ALLC: variants seen among roughly 807,000 people sequenced by gnomAD.
ALLC encodes the protein probable inactive allantoicase.
Under a neutral mutation model 45.0 loss-of-function variants are expected in ALLC, and 40 were observed. The observed-to-expected ratio is 0.89, with a 90% confidence interval of 0.69 to 1.16. ALLC has a LOEUF of 1.16. Among genes scored for constraint, ALLC ranks in the 50% most tolerant of loss-of-function variants. The pLI is 0.00. For synonymous variants in ALLC, 176 were observed against 178.1 expected, an observed-to-expected ratio of 0.99 and a Z score of 0.09; for missense variants, 488 against 493.1, an observed-to-expected ratio of 0.99 and a Z score of 0.10.
At chr2:3,701,992 A>G (rs1398643323) in intron 11 of ALLC, among the ~76,000 whole-genome samples, 2 of 152,214 alleles carry the variant, frequency 1.3e-5, no homozygotes, top group African/African-American at 2.4e-5. Context: ...TCTTTGATTT[A>G]GAAAGAGGGT....
intron 10 of ALLC, among the ~76,000 whole-genome samples, chr2:3,700,289 C>T (rs1375422790): frequency 6.6e-6 from 1 of 152,028 alleles, no homozygotes; most frequent in Non-Finnish European, 1.5e-5. Flanking sequence ...TTTAAGACTG[C>T]ATTTTAGATC....
chr2:3,699,043 T>C (rs1328061343), intron 10 of ALLC, among the ~76,000 whole-genome samples: 1 of 152,206 alleles, frequency 6.6e-6, no homozygotes, highest in Non-Finnish European at 1.5e-5. Context: ...TAACTATTAT[T>C]TTAGGTTCAA....
At chr2:3,694,660 C>T (rs773265426) in intron 7 of ALLC, 6 of 152,172 alleles carry the variant, frequency 3.9e-5, no homozygotes. Flanking sequence ...CTGAATGACT[C>T]CCTCTAGGAT....
chr2:3,661,530 A>G (rs1463899682), intron 1 of ALLC, among the ~76,000 whole-genome samples: 1 of 152,172 alleles, frequency 6.6e-6, no homozygotes, highest in Admixed American at 6.5e-5. Flanking sequence ...TCCCAGAGAA[A>G]CAGACCAGTG....
chr2:3,681,675 G>A lies in ALLC; in HGVS notation c.340G>A (p.Ala114Thr). ...CCCAGAAAGAGGAACCAGGACAGGA[G>A]CTGCAGCCACTCCTGAGGAGTTTGA... Reference protein sequence around the residue: ...EIPERGTRTGAAATPEEFEAI... With the variant: ...EIPERGTRTGTAATPEEFEAI... The change falls in exon 6 of 12, where the codon GCT becomes ACT. Residue 114 changes from alanine to threonine, a missense_variant. Physicochemically the swap from Ala to Thr is moderately conservative, Grantham distance 58. Transcript: ENST00000252505. 1 of 1,611,186 alleles carries A rather than the reference G, an allele frequency of 6.2e-7. No homozygotes were observed. The highest frequency in any genetic ancestry group is 1.3e-5 in the African/African-American group (1 of 74,952).
upstream of ALLC, among the ~76,000 whole-genome samples, chr2:3,657,242 G>C (rs1014195630): frequency 2.0e-5 from 3 of 152,166 alleles, no homozygotes; most frequent in African/African-American, 4.8e-5. Flanking sequence ...TGGGGTTGGG[G>C]GTGGGGTTCT....
At position 3,702,579 on chromosome 2, in the gene ALLC, G is replaced by C. The variant is rs368510551; in HGVS notation, c.*16G>C. On this transcript the variant is annotated 3_prime_UTR_variant, in exon 12 of 12. Coordinates refer to ENST00000252505, the MANE Select transcript of ALLC (RefSeq NM_018436.4). ...AAACCCTTAACACACACAAAGCCCCGGTGTCGGACACACAGCAGTAATTTC... is the reference window on the plus strand; with the variant it reads ...AAACCCTTAACACACACAAAGCCCCCGTGTCGGACACACAGCAGTAATTTC... 6 of 1,518,036 alleles carry C rather than the reference G, an allele frequency of 4.0e-6. No individual in the cohort carries two copies. Among genetic ancestry groups the C allele is most frequent in the Non-Finnish European group, 5.3e-6 (6 of 1,133,668 alleles). 94.0% of individuals were successfully genotyped at this position (1,518,036 alleles called of 1,614,324 possible). A position where few individuals can be genotyped will look rare whatever the true frequency, so the allele number is the denominator to read the frequency against.
intron 10 of ALLC, among the ~76,000 whole-genome samples, chr2:3,700,511 A>G: frequency 6.6e-6 from 1 of 152,222 alleles, no homozygotes; most frequent in East Asian, 1.9e-4. Flanking sequence ...CCACTTAAGC[A>G]GACACCCAAA....
chr2:3,674,005 C>T, intron 2 of ALLC, 70 bp from the exon 3 acceptor site: 1 of 1,159,180 alleles, frequency 8.6e-7, no homozygotes, highest in Non-Finnish European at 1.2e-6. Flanking sequence ...TAATGTTTCA[C>T]TAGGGAATGA....
the ALLC span, among the ~76,000 whole-genome samples, chr2:3,649,832 G>A: frequency 6.6e-6 from 1 of 152,242 alleles, no homozygotes; most frequent in Admixed American, 6.5e-5. Context: ...GACAACCCAC[G>A]CAGACATGGG....
Position 3,695,738 on chromosome 2 carries a change from G to A in ALLC, c.533G>A (p.Arg178Lys), listed in dbSNP as rs1422472520. 6.2e-7 allele frequency: 1 copy of A among 1,613,936 alleles called. No individual in the cohort carries two copies. Among genetic ancestry groups the A allele is most frequent in the Non-Finnish European group, 8.5e-7 (1 of 1,179,914 alleles). The change falls in exon 8 of 12, where the codon AGA (arginine) becomes AAA (lysine). Residue 178 changes from arginine to lysine, a missense_variant. By Grantham distance (26) the Arg-to-Lys change is conservative. Coordinates refer to ENST00000252505, the MANE Select transcript of ALLC (RefSeq NM_018436.4). ...TCAGATGGTGGAATTGCACGACTTA[G>A]AGTATTCGGTACTGGACAAAAAGAC... ...IFPDGGIARL[R>K]VFGTGQKDWT... is the part of the protein sequence containing the mutation.
At chr2:3,693,849 G>C (rs1292290812) in intron 7 of ALLC, among the ~76,000 whole-genome samples, 1 of 152,160 alleles carries the variant, frequency 6.6e-6, no homozygotes, top group Non-Finnish European at 1.5e-5. Flanking sequence ...TTAGCCAGGT[G>C]TGGTGGCGGG....
chr2:3,697,609 CTCTG>C (rs757923260), intron 10 of ALLC, among the ~76,000 whole-genome samples, 153 bp downstream of exon 10: 16,470 of 146,642 alleles, frequency 0.11, 1,080 homozygotes, highest in Middle Eastern at 0.17. Context: ...ACCCTTAGAA[CTCTG>C]TCTGTCTGTC....
In ALLC at chr2:3,683,048, C is replaced by T; in HGVS notation, c.485C>T (p.Thr162Ile). Residue 162 changes from threonine to isoleucine, a missense_variant, in exon 7 of 12, where the codon ACT becomes ATT. Thr to Ile is a moderately conservative substitution (Grantham distance 89, BLOSUM62 -1). Transcript: ENST00000252505. The stretch of plus-strand genomic sequence containing the variant: ...CTTGTCAATTCCCAGCAGAGATGGA[C>T]TCATATCAGACTCAACATTTTCCCA... ...YFLVNSQQRW[T>I]HIRLNIFPDG... 1 of 1,613,940 alleles carries T rather than the reference C, an allele frequency of 6.2e-7. No homozygotes were observed. Among genetic ancestry groups the T allele is most frequent in the Non-Finnish European group, 8.5e-7 (1 of 1,179,850 alleles).
At chr2:3,650,150 A>G in the ALLC span, among the ~76,000 whole-genome samples, 14 of 152,200 alleles carry the variant, frequency 9.2e-5, no homozygotes, top group Non-Finnish European at 2.9e-5. Flanking sequence ...AGTGCCCTCA[A>G]TTGGAAGGGA....
chr2:3,665,778 G>C (rs948343213), intron 1 of ALLC, among the ~76,000 whole-genome samples: 3 of 152,158 alleles, frequency 2.0e-5, no homozygotes, highest in Non-Finnish European at 4.4e-5. Context: ...GAACATATGC[G>C]TGCATGTATC....
the ALLC span, among the ~76,000 whole-genome samples, chr2:3,652,467 T>C: frequency 6.6e-6 from 1 of 152,132 alleles, no homozygotes; most frequent in African/African-American, 2.4e-5. Context: ...GGGAAGCACA[T>C]ATTTTTCCAT....
At chr2:3,664,199 C>T (rs1314222565) in intron 1 of ALLC, among the ~76,000 whole-genome samples, 1 of 152,202 alleles carries the variant, frequency 6.6e-6, no homozygotes, top group East Asian at 1.9e-4. Flanking sequence ...TATACCCCTG[C>T]CACCACTTTG....
At position 3,674,078 on chromosome 2, in the gene ALLC, T is replaced by G. The variant is rs1666960056; in HGVS notation, c.37T>G (p.Leu13Val). 1 of 1,552,470 alleles carries G rather than the reference T, an allele frequency of 6.4e-7. No homozygotes were observed. The highest frequency in any genetic ancestry group is 8.7e-7 in the Non-Finnish European group (1 of 1,145,104). ...MASESVGGKI[L>V]FATDDFFAPA... is the part of the protein sequence containing the mutation. ...CTTTCTTTCTTTCTTTGTCTAGATT[T>G]TATTTGCAACAGATGACTTTTTTGC... The change falls in exon 3 of 12, where the codon TTA (leucine) becomes GTA (valine). Residue 13 changes from leucine (L) to valine (V), a missense_variant. Transcript: ENST00000252505.
Sources: allele counts gnomAD v4.1 joint callset (sites outside exome capture counted in the v4.1 genomes callset), GRCh38; gene constraint gnomAD v4.1.1; transcripts MANE v1.5; gene names NCBI Gene and HGNC (gene_info 2026-07-23, HGNC 2026-07-21).